Variants in MYLK4 observed in about 807,000 individuals in gnomAD.
MYLK4 encodes the protein myosin light chain kinase family member 4.
In MYLK4, 46 loss-of-function variants were observed where a neutral mutation model predicts 48.1. The observed-to-expected ratio is 0.96, with a 90% CI of 0.75 to 1.22. The LOEUF is 1.22. MYLK4 is among the 50% of genes most tolerant of loss of function. MYLK4 has a pLI of 0.00. For missense variants in MYLK4, 451 were observed against 486.1 expected (o/e 0.93, Z 0.68); for synonymous variants, 170 against 180.8 (o/e 0.94, Z 0.48).
chr6:2,668,671 G>T (rs1760758523), intron 12 of MYLK4, among the ~76,000 whole-genome samples: 1 of 152,140 alleles, frequency 6.6e-6, no homozygotes, highest in Admixed American at 6.6e-5. Flanking sequence ...TCCTGGCAGG[G>T]AATATTATCG....
intron 2 of MYLK4, among the ~76,000 whole-genome samples, chr6:2,726,417 G>A (rs1050276044): frequency 2.6e-5 from 4 of 152,050 alleles, no homozygotes; most frequent in Non-Finnish European, 4.4e-5. Context: ...AGATCTCAGC[G>A]TGCAGGGGCT....
intron 2 of MYLK4, among the ~76,000 whole-genome samples, chr6:2,721,004 T>C (rs1447230128): frequency 1.3e-5 from 2 of 151,524 alleles, no homozygotes; most frequent in African/African-American, 4.9e-5. Flanking sequence ...CTACTAAAAA[T>C]ACAAAAATTA....
intron 2 of MYLK4, among the ~76,000 whole-genome samples, chr6:2,744,394 A>T (rs1764001410): frequency 6.6e-6 from 1 of 152,238 alleles, no homozygotes; most frequent in South Asian, 2.1e-4. Context: ...AGGCTGGGCC[A>T]CTGCCAGGGA....
At chr6:2,682,805 G>A (rs960755498) in intron 7 of MYLK4, among the ~76,000 whole-genome samples, 4 of 152,154 alleles carry the variant, frequency 2.6e-5, no homozygotes, top group Non-Finnish European at 5.9e-5. Flanking sequence ...ACGCAGGCAA[G>A]TTACAAGAAT....
intron 2 of MYLK4, among the ~76,000 whole-genome samples, chr6:2,724,062 G>C (rs1763162844): frequency 6.6e-6 from 1 of 152,014 alleles, no homozygotes; most frequent in Admixed American, 6.6e-5. Context: ...ATTTTTAGTA[G>C]AGACGGGGTT....
intron 2 of MYLK4, among the ~76,000 whole-genome samples, chr6:2,746,806 G>A (rs72838577): frequency 0.11 from 16,201 of 152,268 alleles, 924 homozygotes; most frequent in South Asian, 0.17. Flanking sequence ...TGCCCCAGCA[G>A]AAGATGAAGA....
In MYLK4 at chr6:2,677,368, T is replaced by C. The variant is rs535036317; in HGVS notation, c.1040+852A>G. ...ACTCCCTGTGACACCCTTCTACCTG[T>C]TGATCCACAGCCATGTGTATTAGTG... On this transcript the variant is annotated intron_variant, in intron 10 of 12. Coordinates refer to ENST00000274643, the MANE Select transcript of MYLK4 (RefSeq NM_001012418.5). Among the ~76,000 whole-genome samples the C allele has an allele frequency of 2.6e-5, 4 of 152,276 alleles. No individual in the cohort carries two copies. The South Asian group carries it at 6.2e-4, about 24-fold the overall frequency.
intron 2 of MYLK4, among the ~76,000 whole-genome samples, chr6:2,698,897 G>A (rs1445498468): frequency 6.6e-6 from 1 of 152,210 alleles, no homozygotes; most frequent in Non-Finnish European, 1.5e-5. Flanking sequence ...TGTGGGGACT[G>A]GCATGGCTCA....
intron 2 of MYLK4, among the ~76,000 whole-genome samples, chr6:2,745,304 C>CAA (rs1764046074): frequency 6.6e-6 from 1 of 151,086 alleles, no homozygotes; most frequent in Non-Finnish European, 1.5e-5. Context: ...AGAGAACTGA[C>CAA]AAAAGAAAAA....
rs146824023 is a variant in MYLK4 at position 2,703,862 on chromosome 6, G to T, written c.160-11003C>A. Reference sequence around the variant, plus strand: ...ATTTTTGTATTTTTAGTAGCGATGGGGTTTCACCATGCTGGCCAGGATGGT... The same window carrying T: ...ATTTTTGTATTTTTAGTAGCGATGGTGTTTCACCATGCTGGCCAGGATGGT... On this transcript the variant is annotated intron_variant, in intron 2 of 12. Transcript: ENST00000274643. 7.3e-3 allele frequency among the ~76,000 whole-genome samples: 1,106 copies of T among 151,992 alleles called. 38 individuals carry two copies. The highest frequency in any genetic ancestry group is 0.047 in the Admixed American group (725 of 15,278).
intron 2 of MYLK4, among the ~76,000 whole-genome samples, chr6:2,710,319 G>A (rs528747007): frequency 6.6e-6 from 1 of 152,248 alleles, no homozygotes; most frequent in South Asian, 2.1e-4. Context: ...CAGAACTGAT[G>A]TTCATAGTGT....
the MYLK4 span, chr6:2,765,921 A>G: frequency 1.4e-6 from 2 of 1,453,364 alleles, no homozygotes; most frequent in Non-Finnish European, 1.8e-6. Flanking sequence ...GAGGAGGGCG[A>G]CGACGGCGGC....
rs1169432923 is a variant in MYLK4, at chr6:2,737,991, G to T, written c.159+11145C>A. Among the ~76,000 whole-genome samples the T allele has an allele frequency of 1.5e-4, 8 of 54,562 alleles. 1 individual carries two copies. Among genetic ancestry groups the T allele is most frequent in the Non-Finnish European group, 2.9e-4 (8 of 27,868 alleles). 35.8% of individuals were successfully genotyped at this position (54,562 alleles called of 152,430 possible). ...GGTGCCGGGGGCGGGTGGGGGGGGG[G>T]TGGTCAATGTTATTAACCCCAGATG... On this transcript the variant is annotated intron_variant, in intron 2 of 12. Transcript: ENST00000274643.
chr6:2,718,024 T>C (rs1762930970), intron 2 of MYLK4, among the ~76,000 whole-genome samples: 1 of 151,804 alleles, frequency 6.6e-6, no homozygotes, highest in Non-Finnish European at 1.5e-5. Flanking sequence ...CTACCAAAAA[T>C]ACAAAATTAG....
intron 6 of MYLK4, among the ~76,000 whole-genome samples, chr6:2,684,304 G>C (rs528329717): frequency 3.3e-5 from 5 of 152,302 alleles, no homozygotes; most frequent in African/African-American, 1.2e-4. Flanking sequence ...GAGCGGGACG[G>C]TGGGAGATTT....
chr6:2,681,798 G>C (rs987824263), intron 7 of MYLK4, among the ~76,000 whole-genome samples: 3 of 152,142 alleles, frequency 2.0e-5, no homozygotes, highest in African/African-American at 7.2e-5. Context: ...GCCCACTGCA[G>C]GTCCTCAATC....
intron 2 of MYLK4, among the ~76,000 whole-genome samples, chr6:2,700,420 TC>T (rs1452911488): frequency 6.6e-6 from 1 of 152,206 alleles, no homozygotes; most frequent in Non-Finnish European, 1.5e-5. Flanking sequence ...ACCCACTTCC[TC>T]TGTCGCCTCC....
chr6:2,678,446 G>T, intron 9 of MYLK4, 74 bp from the exon 10 acceptor site: 1 of 1,507,048 alleles, frequency 6.6e-7, no homozygotes, highest in Non-Finnish European at 9.0e-7. Flanking sequence ...TGCTTTTCTG[G>T]TTGTGCCATT....
At chr6:2,670,701 G>A (rs1324675810) in intron 12 of MYLK4, among the ~76,000 whole-genome samples, 5 of 152,090 alleles carry the variant, frequency 3.3e-5, no homozygotes, top group Non-Finnish European at 7.4e-5. Context: ...CATGTGTCAG[G>A]GTGTATGGGA....
Sources: gnomAD v4.1 joint callset for allele counts (sites outside exome capture counted in the v4.1 genomes callset) on GRCh38, gnomAD v4.1.1 for gene constraint, MANE v1.5 for transcripts, NCBI Gene and HGNC (gene_info 2026-07-23, HGNC 2026-07-21) for gene names.